The following EYS variants were observed in gnomAD, a reference collection of about 807,000 sequenced individuals.
EYS encodes protein eyes shut homolog.
A neutral mutation model predicts 282.1 loss-of-function variants in EYS; 250 were observed. The ratio of observed to expected loss-of-function variants is 0.89; its 90% CI spans 0.80 to 0.98. The LOEUF is 0.98. EYS is among the 50% of genes least tolerant of loss of function. The pLI, the probability that EYS is intolerant of heterozygous loss-of-function variation, is 0.00. For synonymous variants in EYS, 1,355 were observed against 1,282.9 expected (o/e 1.06, Z -1.20); for missense variants, 4,016 against 3,709.0 (o/e 1.08, Z -2.15).
chr6:64,421,472 A>C (rs1352354032), intron 28 of EYS, among the ~76,000 whole-genome samples: 1 of 152,134 alleles, frequency 6.6e-6, no homozygotes, highest in African/African-American at 2.4e-5. Context: ...GTCATTTCTC[A>C]TTAGTATAAC....
Position 64,593,186 on chromosome 6 carries a change from C to T in EYS, c.3808G>A (p.Val1270Ile), listed in dbSNP as rs1284747107. Reference sequence around the variant, plus strand: ...GCCTTTATAGATGGAAAGCTGCTGACCAAAGTCTCAGAAGGGGGAATTGTA... The same window carrying T: ...GCCTTTATAGATGGAAAGCTGCTGATCAAAGTCTCAGAAGGGGGAATTGTA... ...TYTIPPSETL[V>I]SSFPSIKATR... Residue 1270 changes from valine (V) to isoleucine (I), a missense_variant, in exon 25 of 43, where the codon GTC becomes ATC. Coordinates refer to ENST00000503581, the MANE Select transcript of EYS (RefSeq NM_001142800.2). The T allele has an allele frequency of 4.5e-6, 7 of 1,549,486 alleles. No individual in the cohort carries two copies. The highest frequency in any genetic ancestry group is 4.1e-5 in the African/African-American group (3 of 72,848).
intron 26 of EYS, among the ~76,000 whole-genome samples, chr6:64,495,298 G>C (rs1007476718): frequency 6.6e-6 from 1 of 151,652 alleles, no homozygotes; most frequent in African/African-American, 2.4e-5. Flanking sequence ...TCGGCAACTA[G>C]CTTCTTGTTA....
intron 26 of EYS, among the ~76,000 whole-genome samples, chr6:64,488,230 T>C (rs1304919717): frequency 6.6e-6 from 1 of 150,992 alleles, no homozygotes; most frequent in East Asian, 1.9e-4. Context: ...TACCCTTAAT[T>C]TGGCCAAATT....
chr6:65,610,570 ACATCC>A (rs1458549403), intron 2 of EYS, among the ~76,000 whole-genome samples: 4 of 152,098 alleles, frequency 2.6e-5, no homozygotes, highest in Non-Finnish European at 5.9e-5. Context: ...CTACAGGGGA[ACATCC>A]TATATATAAA....
chr6:63,814,109 G>A (rs1419753135), intron 36 of EYS, among the ~76,000 whole-genome samples: 1 of 152,080 alleles, frequency 6.6e-6, no homozygotes, highest in Non-Finnish European at 1.5e-5. Context: ...CTATGTACGT[G>A]GTCATTGTCT....
At chr6:65,536,114 T>C (rs150908563) in intron 2 of EYS, among the ~76,000 whole-genome samples, 113 of 152,112 alleles carry the variant, frequency 7.4e-4, no homozygotes, top group African/African-American at 2.4e-3. Context: ...CAAGTAAATA[T>C]GGGGAAGAAG....
chr6:65,343,707 T>C (rs1770284289), intron 10 of EYS, among the ~76,000 whole-genome samples: 1 of 151,282 alleles, frequency 6.6e-6, no homozygotes, highest in African/African-American at 2.4e-5. Context: ...TGCATTTCAT[T>C]ATGATCTGTA....
At chr6:64,764,029 T>C (rs1025905862) in intron 22 of EYS, among the ~76,000 whole-genome samples, 7 of 152,306 alleles carry the variant, frequency 4.6e-5, no homozygotes, top group African/African-American at 1.7e-4. Context: ...GCTTTCATGG[T>C]CTGGCATTGA....
At chr6:65,477,291 G>A (rs1413209153) in intron 5 of EYS, among the ~76,000 whole-genome samples, 1 of 152,152 alleles carries the variant, frequency 6.6e-6, no homozygotes, top group African/African-American at 2.4e-5. Flanking sequence ...TCCCAAGATG[G>A]AGTAATTAGA....
At chr6:64,596,151 C>G (rs547247967) in intron 24 of EYS, among the ~76,000 whole-genome samples, 1 of 152,242 alleles carries the variant, frequency 6.6e-6, no homozygotes, top group East Asian at 1.9e-4. Flanking sequence ...TACTGCAACA[C>G]CAGCAGAAAG....
chr6:65,644,903 C>T (rs144125379), intron 1 of EYS, among the ~76,000 whole-genome samples: 115 of 152,228 alleles, frequency 7.6e-4, no homozygotes, highest in South Asian at 1.7e-3. Flanking sequence ...ACTACAAGAA[C>T]CGCTAAAAGG....
chr6:65,639,294 C>A (rs1226636764), intron 2 of EYS, among the ~76,000 whole-genome samples: 1 of 151,914 alleles, frequency 6.6e-6, no homozygotes, highest in Non-Finnish European at 1.5e-5. Flanking sequence ...AGTCAAGTTT[C>A]AGGAAGAATT....
intron 30 of EYS, among the ~76,000 whole-genome samples, chr6:64,305,410 T>C (rs1300086068): frequency 1.3e-5 from 2 of 152,130 alleles, no homozygotes; most frequent in Admixed American, 6.5e-5. Flanking sequence ...AGAATCTCAA[T>C]GTACTCTGAA....
At chr6:65,516,387 A>C (rs932118622) in intron 2 of EYS, among the ~76,000 whole-genome samples, 3 of 152,114 alleles carry the variant, frequency 2.0e-5, no homozygotes, top group Non-Finnish European at 2.9e-5. Flanking sequence ...TAATGATGAT[A>C]GGTTTAAAGT....
intron 35 of EYS, among the ~76,000 whole-genome samples, chr6:63,977,197 G>A (rs1766878388): frequency 1.3e-5 from 2 of 151,632 alleles, no homozygotes; most frequent in Non-Finnish European, 2.9e-5. Flanking sequence ...TATTTATGGG[G>A]TACATGTGAT....
At chr6:65,601,987 C>T (rs1417187078) in intron 2 of EYS, among the ~76,000 whole-genome samples, 1 of 151,818 alleles carries the variant, frequency 6.6e-6, no homozygotes, top group Non-Finnish European at 1.5e-5. Flanking sequence ...TTTATTGTTA[C>T]AGCCTATGTA....
intron 29 of EYS, among the ~76,000 whole-genome samples, chr6:64,314,194 C>CAAAAAGA (rs1769842165): frequency 3.6e-5 from 1 of 27,676 alleles, no homozygotes; most frequent in Non-Finnish European, 6.0e-5. Flanking sequence ...AAATGGAAAG[C>CAAAAAGA]AAAAAAAAAA....
intron 22 of EYS, among the ~76,000 whole-genome samples, chr6:64,765,826 C>T (rs1330862774): frequency 6.6e-6 from 1 of 152,026 alleles, no homozygotes; most frequent in Non-Finnish European, 1.5e-5. Flanking sequence ...TCCCACCTGG[C>T]CCCTCCTCCA....
chr6:63,948,994 C>A (rs1765484154), intron 35 of EYS, among the ~76,000 whole-genome samples: 1 of 152,076 alleles, frequency 6.6e-6, no homozygotes, highest in African/African-American at 2.4e-5. Context: ...TGTTCAGTTA[C>A]TACAGTGTAC....
Sources: allele counts gnomAD v4.1 joint callset (sites outside exome capture counted in the v4.1 genomes callset), GRCh38; gene constraint gnomAD v4.1.1; transcripts MANE v1.5; gene names NCBI Gene and HGNC (gene_info 2026-07-23, HGNC 2026-07-21).